WNT2: variants seen among roughly 807,000 people sequenced by gnomAD.
WNT2 encodes Wnt family member 2.
WNT2 carries 12 observed loss-of-function variants against 36.9 expected under a neutral mutation model. The ratio of observed to expected loss-of-function variants is 0.33; its 90% CI spans 0.21 to 0.53. The LOEUF is 0.53. Ranked by LOEUF, WNT2 falls within the 20% of genes least tolerant of loss-of-function variation. WNT2 has a pLI of 0.95. For missense variants in WNT2, 379 were observed against 473.1 expected (o/e 0.80, Z 1.84); for synonymous variants, 163 against 174.6 (o/e 0.93, Z 0.52).
rs963543678 is a variant in WNT2 at position 117,277,992 on chromosome 7, C to G, written c.*163G>C. Reference sequence around the variant, plus strand: ...GTAGGCTTTAGGTGCAGCGTGTGGCCCCCCCATCCTGGGGCCCCCAGGGAG... The same window carrying G: ...GTAGGCTTTAGGTGCAGCGTGTGGCGCCCCCATCCTGGGGCCCCCAGGGAG... On this transcript the variant is annotated 3_prime_UTR_variant, in exon 5 of 5. Transcript: ENST00000265441. 6 of 697,094 alleles carry G rather than the reference C, an allele frequency of 8.6e-6. No individual in the cohort carries two copies. The highest frequency in any genetic ancestry group is 5.4e-5 in the East Asian group (2 of 36,770). 43.2% of individuals were successfully genotyped at this position (697,094 alleles called of 1,614,324 possible).
intron 2 of WNT2, among the ~76,000 whole-genome samples, chr7:117,319,525 G>A (rs374475546): frequency 6.8e-6 from 1 of 147,750 alleles, no homozygotes; most frequent in Non-Finnish European, 1.5e-5. Context: ...TAGGAATTGG[G>A]GGGGGGGGTA....
Position 117,315,177 on chromosome 7 carries a change from A to G in WNT2, c.482T>C (p.Ile161Thr). The change falls in exon 3 of 5, where the codon ATT (isoleucine) becomes ACT (threonine). Residue 161 changes from isoleucine (I) to threonine (T), a missense_variant. Ile to Thr is a moderately conservative substitution (Grantham distance 89, BLOSUM62 -1). Coordinates refer to ENST00000265441, the MANE Select transcript of WNT2 (RefSeq NM_003391.3). ...GCGGGCAAATTTGATCCCATAGTCA[A>G]TGTTATCACTGCAGCCACCCCAATC... ...IFDWGGCSDNIDYGIKFARAF... is the reference protein window; with the variant it reads ...IFDWGGCSDNTDYGIKFARAF... 8 of 1,614,106 alleles carry G rather than the reference A, an allele frequency of 5.0e-6. No homozygotes were observed. The highest frequency in any genetic ancestry group is 6.8e-6 in the Non-Finnish European group (8 of 1,180,008).
At chr7:117,286,070 T>G (rs1794572558) in intron 4 of WNT2, among the ~76,000 whole-genome samples, 1 of 152,204 alleles carries the variant, frequency 6.6e-6, no homozygotes, top group African/African-American at 2.4e-5. Context: ...GACCTTTTGC[T>G]TGCCCATATG....
intron 3 of WNT2, among the ~76,000 whole-genome samples, chr7:117,300,539 C>G (rs1308093779): frequency 6.6e-6 from 1 of 152,112 alleles, no homozygotes; most frequent in Non-Finnish European, 1.5e-5. Flanking sequence ...GTGGCTTATG[C>G]CTGTAATCCC....
intron 3 of WNT2, among the ~76,000 whole-genome samples, chr7:117,311,148 G>C (rs1472047222): frequency 1.3e-5 from 2 of 152,170 alleles, no homozygotes; most frequent in Non-Finnish European, 2.9e-5. Flanking sequence ...GGCTAAATTG[G>C]TTTGGGTGTG....
intron 4 of WNT2, among the ~76,000 whole-genome samples, chr7:117,281,836 C>A (rs551871644): frequency 5.3e-5 from 8 of 152,166 alleles, no homozygotes; most frequent in Admixed American, 4.6e-4. Context: ...TGGCTGCACA[C>A]CAAGGAGGTA....
chr7:117,304,958 G>C (rs1048386942), intron 3 of WNT2, among the ~76,000 whole-genome samples: 1 of 152,186 alleles, frequency 6.6e-6, no homozygotes, highest in Non-Finnish European at 1.5e-5. Context: ...AGAGGAAGGA[G>C]CAGGGCTTGT....
At chr7:117,297,124 C>T (rs558811214) in intron 4 of WNT2, among the ~76,000 whole-genome samples, 65 of 152,294 alleles carry the variant, frequency 4.3e-4, no homozygotes, top group Middle Eastern at 3.4e-3. Context: ...TGCTAATCTG[C>T]GTATCTTGAC....
intron 3 of WNT2, among the ~76,000 whole-genome samples, chr7:117,305,955 T>C (rs1795006825): frequency 6.6e-6 from 1 of 152,162 alleles, no homozygotes. Context: ...ATTCCATCAA[T>C]GGAATTTTCA....
At position 117,276,980 on chromosome 7, in the gene WNT2, C is replaced by G. The variant is rs528956633; in HGVS notation, c.*1175G>C. 6.6e-6 allele frequency: 1 copy of G among 152,476 alleles called. No homozygotes were observed. The highest frequency in any genetic ancestry group is 2.1e-4 in the South Asian group (1 of 4,834). 9.4% of individuals were successfully genotyped at this position (152,476 alleles called of 1,614,324 possible). A position where few individuals can be genotyped will look rare whatever the true frequency, so the allele number is the denominator to read the frequency against. On this transcript the variant is annotated 3_prime_UTR_variant, in exon 5 of 5. Transcript: ENST00000265441. Reference sequence around the variant, plus strand: ...GCTTTAGGCTACAGTATCACATCATCTTGTAAGCATCAAATAAATACAATT... The same window carrying G: ...GCTTTAGGCTACAGTATCACATCATGTTGTAAGCATCAAATAAATACAATT...
rs564243970 is a variant in WNT2 at position 117,315,195 on chromosome 7, C to T, written c.464G>A (p.Gly155Asp). ...AKDSKGIFDW[G>D]GCSDNIDYGI... ...ATAGTCAATGTTATCACTGCAGCCACCCCAATCAAAAATGCCTTTGCTGTC... is the reference window on the plus strand; with the variant it reads ...ATAGTCAATGTTATCACTGCAGCCATCCCAATCAAAAATGCCTTTGCTGTC... The change falls in exon 3 of 5, where the codon GGT (glycine) becomes GAT (aspartate). Residue 155 changes from glycine (G) to aspartate (D), a missense_variant. Physicochemically the swap from Gly to Asp is moderately conservative, Grantham distance 94. Coordinates refer to ENST00000265441, the MANE Select transcript of WNT2 (RefSeq NM_003391.3). The T allele has an allele frequency of 4.3e-6, 7 of 1,614,168 alleles. No individual in the cohort carries two copies. In the South Asian group the frequency reaches 6.6e-5, roughly 15 times the overall value.
chr7:117,312,433 A>T (rs1192047763), intron 3 of WNT2, among the ~76,000 whole-genome samples: 1 of 152,212 alleles, frequency 6.6e-6, no homozygotes, highest in Non-Finnish European at 1.5e-5. Context: ...GCTTGTTTGC[A>T]AGCTCATCAA....
chr7:117,300,475 G>A (rs1166930236), intron 3 of WNT2, among the ~76,000 whole-genome samples: 2 of 151,874 alleles, frequency 1.3e-5, no homozygotes, highest in Admixed American at 6.6e-5. Flanking sequence ...GTGAGCCATC[G>A]TACCTGGCCA....
rs554281089 is a variant in WNT2, at chr7:117,322,307, G to C, written c.83+600C>G. ...TAACATCTTAGAGACAGACCCCGGG[G>C]TCTGTAGCTTTGCATTAAAGCCATA... On this transcript the variant is annotated intron_variant, in intron 1 of 4. Transcript: ENST00000265441. The surrounding 1 kb of genome is among the most constrained non-coding windows in gnomAD (Gnocchi z 5.4). 3.9e-5 allele frequency: 6 copies of C among 153,684 alleles called. 2 individuals carry two copies. Among genetic ancestry groups the C allele is most frequent in the African/African-American group, 1.4e-4 (6 of 41,540 alleles). 9.5% of individuals were successfully genotyped at this position (153,684 alleles called of 1,614,324 possible). A position where few individuals can be genotyped will look rare whatever the true frequency, so the allele number is the denominator to read the frequency against.
At chr7:117,281,486 C>T (rs953720756) in intron 4 of WNT2, among the ~76,000 whole-genome samples, 13 of 152,248 alleles carry the variant, frequency 8.5e-5, no homozygotes, top group African/African-American at 3.1e-4. Context: ...GATCCTCCTG[C>T]TTTGACCCCC....
rs1794411511 is a variant in WNT2, at chr7:117,278,060, AAATATCCCC to A, written c.*86_*94del. 6 of 1,420,432 alleles carry A rather than the reference AAATATCCCC, an allele frequency of 4.2e-6. No homozygotes were observed. Among genetic ancestry groups the A allele is most frequent in the Non-Finnish European group, 5.8e-6 (6 of 1,025,642 alleles). 88.0% of individuals were successfully genotyped at this position (1,420,432 alleles called of 1,614,324 possible). A position where few individuals can be genotyped will look rare whatever the true frequency, so the allele number is the denominator to read the frequency against. On this transcript the variant is annotated 3_prime_UTR_variant, in exon 5 of 5. Transcript: ENST00000265441. ...TGAGATAAAGGCCACATGCCTTAGG[AAATATCCCC>A]CCAGAAAGAACCCAAAGGTCCAGTG... is the stretch of plus-strand genomic sequence containing the variant.
Position 117,322,088 on chromosome 7 carries a change from A to C in WNT2, c.83+819T>G, listed in dbSNP as rs1257354262. On this transcript the variant is annotated intron_variant, in intron 1 of 4. Transcript: ENST00000265441. The surrounding 1 kb of genome is among the most constrained non-coding windows in gnomAD (Gnocchi z 5.4). ...AGGAAATTACAGGGCTATCAACTCT[A>C]TCTCTTTCCAAGACCAGAAAGTCGG... 1 of 152,154 alleles carries C rather than the reference A, an allele frequency of 6.6e-6. No homozygotes were observed. The highest frequency in any genetic ancestry group is 2.4e-5 in the African/African-American group (1 of 41,428). The allele number at this position is 152,154 out of a possible 1,614,324, so 9.4% of individuals were successfully genotyped here.
chr7:117,307,269 T>C (rs1343548331), intron 3 of WNT2, among the ~76,000 whole-genome samples: 1 of 152,216 alleles, frequency 6.6e-6, no homozygotes, highest in Non-Finnish European at 1.5e-5. Context: ...TATCAAACCA[T>C]GCTAAGCACT....
At chr7:117,293,729 G>T (rs1031644603) in intron 4 of WNT2, among the ~76,000 whole-genome samples, 3 of 152,036 alleles carry the variant, frequency 2.0e-5, no homozygotes, top group African/African-American at 7.2e-5. Context: ...TAATGCAATA[G>T]GATTTTAGCA....
Sources: gnomAD v4.1 joint callset for allele counts (sites outside exome capture counted in the v4.1 genomes callset) on GRCh38, gnomAD v4.1.1 for gene constraint, Gnocchi (gnomAD v3.1) non-coding constraint, MANE v1.5 for transcripts, NCBI Gene and HGNC (gene_info 2026-07-23, HGNC 2026-07-21) for gene names.